SARDH: variants seen among roughly 807,000 people sequenced by gnomAD.
SARDH encodes sarcosine dehydrogenase, also known as sarcosine dehydrogenase, mitochondrial.
A neutral mutation model predicts 109.1 loss-of-function variants in SARDH; 95 were observed. The observed-to-expected ratio is 0.87, with a 90% confidence interval of 0.74 to 1.03. SARDH has a LOEUF of 1.03. Ranked by LOEUF, SARDH falls within the 50% of genes least tolerant of loss-of-function variation. The pLI is 0.00. For missense variants in SARDH, 1,267 were observed against 1,287.8 expected (o/e 0.98, Z 0.25); for synonymous variants, 572 against 534.8 (o/e 1.07, Z -0.96).
intron 16 of SARDH, among the ~76,000 whole-genome samples, chr9:133,688,940 G>A (rs1830989582): frequency 6.6e-6 from 1 of 152,192 alleles, no homozygotes; most frequent in Admixed American, 6.5e-5. Flanking sequence ...GTGTGCCCCT[G>A]AGCACCACAG....
intron 8 of SARDH, 24 bp from the exon 9 acceptor site, chr9:133,713,148 G>GAAA: frequency 6.2e-7 from 1 of 1,601,502 alleles, no homozygotes; most frequent in Admixed American, 1.7e-5. Flanking sequence ...AGAGAGGCCT[G>GAAA]GAGTCCCTTT....
rs1326281226 is a variant in SARDH, at chr9:133,686,853, G to A, written c.2070-1567C>T. On this transcript the variant is annotated intron_variant, in intron 16 of 20. Transcript: ENST00000439388. The surrounding 1 kb of genome is among the most constrained non-coding windows in gnomAD (Gnocchi z 4.0). ...CCTTATGTAACCACTCAGCACCCAC[G>A]TGGTGCCAAGCCCTGGAGAGTGATA... Among the ~76,000 whole-genome samples the A allele has an allele frequency of 2.6e-5, 4 of 152,216 alleles. No homozygotes were observed. Among genetic ancestry groups the A allele is most frequent in the East Asian group, 1.9e-4 (1 of 5,198 alleles).
rs1831853177 is a variant in SARDH at position 133,709,966 on chromosome 9, G to A, written c.1329-1538C>T. ...GGAGGATTCTTGGGGGCAGCAGTGA[G>A]GTGCACGTCGGGTGGCAGGAGCAGC... On this transcript the variant is annotated intron_variant, in intron 10 of 20. Coordinates refer to ENST00000439388, the MANE Select transcript of SARDH (RefSeq NM_001134707.2). The surrounding 1 kb of genome is among the most constrained non-coding windows in gnomAD (Gnocchi z 4.2). Among the ~76,000 whole-genome samples, 1 of 152,222 alleles carries A rather than the reference G, an allele frequency of 6.6e-6. No homozygotes were observed. Among genetic ancestry groups the A allele is most frequent in the Non-Finnish European group, 1.5e-5 (1 of 68,050 alleles).
At chr9:133,731,165 G>A in intron 4 of SARDH, 140 bp downstream of exon 4, 1 of 1,076,586 alleles carries the variant, frequency 9.3e-7, no homozygotes, top group Non-Finnish European at 1.3e-6. Flanking sequence ...GGACCAGAAG[G>A]CTCAGAGAGG....
In SARDH at chr9:133,679,238, G is replaced by A. The variant is rs1446355121; in HGVS notation, c.2163+5955C>T. On this transcript the variant is annotated intron_variant, in intron 17 of 20. Transcript: ENST00000439388. The stretch of plus-strand genomic sequence containing the variant: ...AACCTGCCCATGATATCGGGTATCT[G>A]TCTCAGGCCTCAGCAAATCTGCACG... Among the ~76,000 whole-genome samples the A allele has an allele frequency of 2.0e-5, 3 of 152,338 alleles. No individual in the cohort carries two copies. In the East Asian group the frequency reaches 5.8e-4, roughly 29 times the overall value.
intron 6 of SARDH, among the ~76,000 whole-genome samples, chr9:133,719,304 A>G (rs1230596607): frequency 6.6e-6 from 1 of 152,220 alleles, no homozygotes; most frequent in African/African-American, 2.4e-5. Flanking sequence ...GGATCGAGGA[A>G]GAGAGCAAGG....
At chr9:133,664,777 G>A (rs945616907) in intron 20 of SARDH, among the ~76,000 whole-genome samples, 5 of 152,166 alleles carry the variant, frequency 3.3e-5, no homozygotes, top group Non-Finnish European at 4.4e-5. Flanking sequence ...CTTTTTCTGC[G>A]ACAGGAGCTT....
At position 133,728,092 on chromosome 9, in the gene SARDH, G is replaced by A. The variant is rs941932186; in HGVS notation, c.915+1673C>T. ...TCAGCACTCAGCTCCGACACCCACC[G>A]TGTGACTACTCTTAGTCCCTAACCC... On this transcript the variant is annotated intron_variant, in intron 6 of 20. Coordinates refer to ENST00000439388, the MANE Select transcript of SARDH (RefSeq NM_001134707.2). This position sits in a 1 kb window ranked among gnomAD's most constrained non-coding sequence, Gnocchi z 5.0. Among the ~76,000 whole-genome samples the A allele has an allele frequency of 5.9e-5, 9 of 152,108 alleles. No homozygotes were observed. Among genetic ancestry groups the A allele is most frequent in the African/African-American group, 1.7e-4 (7 of 41,422 alleles).
Position 133,686,491 on chromosome 9 carries a change from G to C in SARDH, c.2070-1205C>G, listed in dbSNP as rs183409390. On this transcript the variant is annotated intron_variant, in intron 16 of 20. Coordinates refer to ENST00000439388, the MANE Select transcript of SARDH (RefSeq NM_001134707.2). This position sits in a 1 kb window ranked among gnomAD's most constrained non-coding sequence, Gnocchi z 4.0. ...GTTGTCCAAGATCCCACAGTCTCCT[G>C]CCAGGGTGTCTCTCACATTGGTTGT... Among the ~76,000 whole-genome samples, 2 of 152,198 alleles carry C rather than the reference G, an allele frequency of 1.3e-5. No individual in the cohort carries two copies. Among genetic ancestry groups the C allele is most frequent in the Admixed American group, 1.3e-4 (2 of 15,284 alleles).
At position 133,696,315 on chromosome 9, in the gene SARDH, T is replaced by G. The variant is rs988561851; in HGVS notation, c.1715A>C (p.Asp572Ala). The G allele has an allele frequency of 2.5e-6, 4 of 1,614,146 alleles. No individual in the cohort carries two copies. Among genetic ancestry groups the G allele is most frequent in the Non-Finnish European group, 3.4e-6 (4 of 1,180,032 alleles). Residue 572 changes from aspartate to alanine, a missense_variant, in exon 14 of 21, where the codon GAC becomes GCC. By Grantham distance (126) the Asp-to-Ala change is moderately radical (BLOSUM62 -2). Transcript: ENST00000439388. ...GTAGAACTTCCCGAAGTAGGACATG[T>G]CAAACACAGCGGCGGCCCCTCTGCA... ...LACRGAAAVF[D>A]MSYFGKFYLV...
Position 133,715,672 on chromosome 9 carries a change from C to T in SARDH, c.1150+1654G>A, listed in dbSNP as rs570855717. ...CTTCCCTGTCTTTAGGGCCCTCATCCGCTCCCTGCATGGCCCGTGGAAGTC... is the reference window on the plus strand; with the variant it reads ...CTTCCCTGTCTTTAGGGCCCTCATCTGCTCCCTGCATGGCCCGTGGAAGTC... On this transcript the variant is annotated intron_variant, in intron 8 of 20. Coordinates refer to ENST00000439388, the MANE Select transcript of SARDH (RefSeq NM_001134707.2). Among the ~76,000 whole-genome samples the T allele has an allele frequency of 7.9e-5, 12 of 152,264 alleles. No individual in the cohort carries two copies. The South Asian group carries it at 8.3e-4, about 11-fold the overall frequency.
At position 133,727,928 on chromosome 9, in the gene SARDH, A is replaced by AT. The variant is rs1219069989; in HGVS notation, c.915+1836dup. Reference sequence around the variant, plus strand: ...AGCCACAGTCCTGGGCTCGGTGGACATTCTGTGGCCACCCTCCCTGACGCC... The same window carrying AT: ...AGCCACAGTCCTGGGCTCGGTGGACATTTCTGTGGCCACCCTCCCTGACGCC... On this transcript the variant is annotated intron_variant, in intron 6 of 20. Transcript: ENST00000439388. Among the ~76,000 whole-genome samples the AT allele has an allele frequency of 2.0e-4, 30 of 152,194 alleles. 1 individual carries two copies. In the South Asian group the frequency reaches 2.3e-3, roughly 12 times the overall value.
intron 17 of SARDH, among the ~76,000 whole-genome samples, chr9:133,682,697 G>A (rs1306699765): frequency 7.3e-6 from 1 of 137,890 alleles, no homozygotes; most frequent in Non-Finnish European, 1.5e-5. Flanking sequence ...CTCAGCCCCT[G>A]TGCTGAAACC....
intron 6 of SARDH, among the ~76,000 whole-genome samples, chr9:133,721,682 A>G (rs2131475868): frequency 6.6e-6 from 1 of 152,368 alleles, no homozygotes; most frequent in South Asian, 2.1e-4. Context: ...CGTATTCAGA[A>G]AATAGTATCA....
rs675713 is a variant in SARDH at position 133,709,471 on chromosome 9, C to A, written c.1329-1043G>T. Among the ~76,000 whole-genome samples, 5 of 151,986 alleles carry A rather than the reference C, an allele frequency of 3.3e-5. No individual in the cohort carries two copies. The highest frequency in any genetic ancestry group is 2.1e-4 in the South Asian group (1 of 4,816). ...GGCTTTCCCAGCACCCCGCCTCCCC[C>A]TCACGCTCCACCTGCTAGAACCTCA... On this transcript the variant is annotated intron_variant, in intron 10 of 20. Coordinates refer to ENST00000439388, the MANE Select transcript of SARDH (RefSeq NM_001134707.2). The surrounding 1 kb of genome is among the most constrained non-coding windows in gnomAD (Gnocchi z 4.2).
chr9:133,730,260 A>C (rs1588455993), intron 4 of SARDH, 73 bp from the exon 5 acceptor site: 14 of 1,559,074 alleles, frequency 9.0e-6, no homozygotes, highest in Non-Finnish European at 1.0e-5. Flanking sequence ...ACTCCAACCA[A>C]CCCCTCCTCC....
intron 6 of SARDH, chr9:133,725,723 A>C: frequency 3.9e-6 from 1 of 253,792 alleles, no homozygotes; most frequent in Non-Finnish European, 8.0e-6. Flanking sequence ...TGTTTACATC[A>C]TCATAATATT....
At chr9:133,689,606 T>A (rs1314027100) in intron 16 of SARDH, among the ~76,000 whole-genome samples, 1 of 152,140 alleles carries the variant, frequency 6.6e-6, no homozygotes, top group African/African-American at 2.4e-5. Flanking sequence ...AGTTTCTGCA[T>A]CAGTAAAAAT....
At chr9:133,668,333 CTCCCTCATTCTCCCT>C in intron 19 of SARDH, among the ~76,000 whole-genome samples, 22 of 125,388 alleles carry the variant, frequency 1.8e-4, no homozygotes, top group Non-Finnish European at 2.4e-4. Flanking sequence ...CCCTCTCCCT[CTCCCTCATTCTCCCT>C]CACCCTCCCT....
Sources: gnomAD v4.1 joint callset for allele counts (sites outside exome capture counted in the v4.1 genomes callset) on GRCh38, gnomAD v4.1.1 for gene constraint, Gnocchi (gnomAD v3.1) non-coding constraint, MANE v1.5 for transcripts, NCBI Gene and HGNC (gene_info 2026-07-23, HGNC 2026-07-21) for gene names.